Variants in CCNE1 observed in about 807,000 individuals in gnomAD.
CCNE1 encodes G1/S-specific cyclin-E1.
In CCNE1, 8 loss-of-function variants were observed where a neutral mutation model predicts 54.1. The ratio of observed to expected loss-of-function variants is 0.15; its 90% confidence interval spans 0.09 to 0.27. The LOEUF is 0.27. Among genes scored for constraint, CCNE1 ranks in the 10% least tolerant of loss-of-function variants. The probability of loss-of-function intolerance (pLI) is 1.00; values close to 1 mark genes in which losing one functional copy is unlikely to be tolerated. For missense variants in CCNE1, 430 were observed against 514.9 expected (o/e 0.84, Z 1.60); for synonymous variants, 179 against 185.2 (o/e 0.97, Z 0.27).
At chr19:29,820,186 G>A (rs1974116034) in intron 6 of CCNE1, among the ~76,000 whole-genome samples, 3 of 152,182 alleles carry the variant, frequency 2.0e-5, no homozygotes, top group Non-Finnish European at 2.9e-5. Context: ...GGGGATGTGC[G>A]GGCAAGGGGA....
At chr19:29,813,612 G>T (rs1026089570) in intron 4 of CCNE1, among the ~76,000 whole-genome samples, 4 of 152,122 alleles carry the variant, frequency 2.6e-5, no homozygotes, top group Non-Finnish European at 5.9e-5. Context: ...TTGATCCCCA[G>T]CTCAGCCTGA....
At chr19:29,813,999 TG>T (rs1973954173) in intron 4 of CCNE1, among the ~76,000 whole-genome samples, 1 of 152,198 alleles carries the variant, frequency 6.6e-6, no homozygotes, top group African/African-American at 2.4e-5. Context: ...GTAGTTCATC[TG>T]GAAGCGTGAA....
Position 29,812,231 on chromosome 19 carries a change from C to A in CCNE1, c.-25+79C>A, listed in dbSNP as rs3218026. 0.3 allele frequency: 46,335 copies of A among 155,558 alleles called. 7,576 individuals are homozygous for A. The highest frequency in any genetic ancestry group is 0.51 in the East Asian group (2,757 of 5,358). The allele number at this position is 155,558 out of a possible 1,614,324, so 9.6% of individuals were successfully genotyped here. A position where few individuals can be genotyped will look rare whatever the true frequency, so the allele number is the denominator to read the frequency against. On this transcript the variant is annotated intron_variant, in intron 1 of 11. Coordinates refer to ENST00000262643, the MANE Select transcript of CCNE1 (RefSeq NM_001238.4). ...CGGGGAGCTGGGTGGGGGCGGGGTG[C>A]GGCCGGGTCGCGGGTCCCCGGGCGG...
chr19:29,822,218 A>G (rs1315152581), intron 9 of CCNE1, 22 bp from the exon 10 acceptor site: 2 of 1,610,940 alleles, frequency 1.2e-6, no homozygotes, highest in Non-Finnish European at 1.7e-6. Context: ...CATCCATCTC[A>G]GCGTTCTTTT....
chr19:29,813,295 T>C, intron 4 of CCNE1: 1 of 523,016 alleles, frequency 1.9e-6, no homozygotes, highest in Non-Finnish European at 3.4e-6. Context: ...AGAACCAGAA[T>C]GGACATCACA....
chr19:29,815,631 T>TC (rs1293142991), intron 4 of CCNE1, among the ~76,000 whole-genome samples: 1 of 146,492 alleles, frequency 6.8e-6, no homozygotes, highest in Non-Finnish European at 1.5e-5. Context: ...GCTTTTTTTT[T>TC]TTTTTTTTTG....
chr19:29,820,040 A>G (rs1225261408), intron 6 of CCNE1, among the ~76,000 whole-genome samples: 2 of 152,206 alleles, frequency 1.3e-5, no homozygotes, highest in Non-Finnish European at 2.9e-5. Context: ...AGCCAGCATC[A>G]CTACTCTTGC....
intron 2 of CCNE1, 22 bp downstream of exon 2, chr19:29,812,600 C>T (rs1245984379): frequency 6.5e-7 from 1 of 1,534,236 alleles, no homozygotes; most frequent in Non-Finnish European, 8.8e-7. Context: ...CGCCGCGGGG[C>T]CGGACGGGAC....
At position 29,817,456 on chromosome 19, in the gene CCNE1, C is replaced by G; in HGVS notation, c.377C>G (p.Thr126Arg). 6.2e-7 allele frequency: 1 copy of G among 1,614,160 alleles called. No homozygotes were observed. The highest frequency in any genetic ancestry group is 8.5e-7 in the Non-Finnish European group (1 of 1,180,014). Reference protein sequence around the residue: ...VWKIMLNKEKTYLRDQHFLEQ... With the variant: ...VWKIMLNKEKRYLRDQHFLEQ... ...AAAATCATGTTAAACAAGGAAAAGA[C>G]ATACTTAAGGGATCAGCACTTTCTT... The change falls in exon 6 of 12, where the codon ACA becomes AGA. Residue 126 changes from threonine to arginine, a missense_variant. Around this residue, in one of 2 missense-constraint regions of CCNE1, gnomAD observed 303 missense variants for 401.1 expected, o/e 0.76. Coordinates refer to ENST00000262643, the MANE Select transcript of CCNE1 (RefSeq NM_001238.4).
At chr19:29,820,558 CAA>C (rs1416346038) in intron 6 of CCNE1, 142 bp from the exon 7 acceptor site, 3 of 610,932 alleles carry the variant, frequency 4.9e-6, no homozygotes, top group African/African-American at 1.9e-5. Context: ...AAAAAAAAAA[CAA>C]AAAAACAAAA....
At chr19:29,813,096 G>C in intron 4 of CCNE1, 59 bp downstream of exon 4, 1 of 1,460,328 alleles carries the variant, frequency 6.8e-7, no homozygotes, top group South Asian at 1.1e-5. Flanking sequence ...GTCACATGGG[G>C]TTTCATGCTG....
intron 6 of CCNE1, among the ~76,000 whole-genome samples, chr19:29,819,335 T>C (rs1489789504): frequency 6.6e-6 from 1 of 151,334 alleles, no homozygotes; most frequent in East Asian, 2.0e-4. Flanking sequence ...CAAGCTGGAG[T>C]GTAGTGGTGC....
At chr19:29,820,079 G>T (rs1974113687) in intron 6 of CCNE1, among the ~76,000 whole-genome samples, 1 of 152,220 alleles carries the variant, frequency 6.6e-6, no homozygotes, top group South Asian at 2.1e-4. Flanking sequence ...AGTCAAATAA[G>T]GGCTGCTTGC....
At chr19:29,816,411 A>G (rs1974016563) in intron 4 of CCNE1, among the ~76,000 whole-genome samples, 1 of 152,146 alleles carries the variant, frequency 6.6e-6, no homozygotes, top group Non-Finnish European at 1.5e-5. Flanking sequence ...ATAGTTCCTT[A>G]TTTTATCAGG....
chr19:29,822,622 TTC>T lies in CCNE1; in HGVS notation c.1110+20_1110+21del. ...TTTGCTGGTCAGTGCTGCTCCTTCT[TTC>T]AGTCCTTCTTGGCCAAATTCTTAAA... On this transcript the variant is annotated intron_variant, in intron 11 of 11. Transcript: ENST00000262643. 2 of 1,587,682 alleles carry T rather than the reference TTC, an allele frequency of 1.3e-6. No homozygotes were observed. Among genetic ancestry groups the T allele is most frequent in the Non-Finnish European group, 1.7e-6 (2 of 1,164,630 alleles).
rs916526199 is a variant in CCNE1, at chr19:29,812,137, C to T, written c.-40C>T. ...GCCGGGACTGGAGCGCGCCGTCCGCCGCGGACAAGACCCTGGTGAGTCTAC... is the reference window on the plus strand; with the variant it reads ...GCCGGGACTGGAGCGCGCCGTCCGCTGCGGACAAGACCCTGGTGAGTCTAC... On this transcript the variant is annotated 5_prime_UTR_variant, in exon 1 of 12. Coordinates refer to ENST00000262643, the MANE Select transcript of CCNE1 (RefSeq NM_001238.4). 1 of 149,040 alleles carries T rather than the reference C, an allele frequency of 6.7e-6. No individual in the cohort carries two copies. The highest frequency in any genetic ancestry group is 1.5e-5 in the Non-Finnish European group (1 of 66,522). 9.2% of individuals were successfully genotyped at this position (149,040 alleles called of 1,614,324 possible).
chr19:29,817,395 T>C lies in CCNE1; in HGVS notation c.327-11T>C, dbSNP rs1259158292. 6.2e-7 allele frequency: 1 copy of C among 1,613,974 alleles called. No individual in the cohort carries two copies. Among genetic ancestry groups the C allele is most frequent in the Non-Finnish European group, 8.5e-7 (1 of 1,179,986 alleles). ...TTGTGGGCCTCATTTTTGTTGTGTG[T>C]TTTGTTGTAGCTGGGCAAATAGAGA... On this transcript the variant is annotated splice_polypyrimidine_tract_variant and intron_variant, in intron 5 of 11. Transcript: ENST00000262643.
At position 29,815,604 on chromosome 19, in the gene CCNE1, CAATGTT is replaced by C. The variant is rs965140859; in HGVS notation, c.181-1528_181-1523del. On this transcript the variant is annotated intron_variant, in intron 4 of 11. Transcript: ENST00000262643. Reference sequence around the variant, plus strand: ...CCAGTTGTCTATTTTGTTCTTTAGTCAATGTTAATGGTCTCTGCTTTTTTTTTTTTT... The same window carrying C: ...CCAGTTGTCTATTTTGTTCTTTAGTCAATGGTCTCTGCTTTTTTTTTTTTT... 8.4e-5 allele frequency among the ~76,000 whole-genome samples: 12 copies of C among 143,370 alleles called. No individual in the cohort carries two copies. In the South Asian group the frequency reaches 1.3e-3, roughly 16 times the overall value. The allele number at this position is 143,370 out of a possible 152,430, so 94.1% of individuals were successfully genotyped here. A position where few individuals can be genotyped will look rare whatever the true frequency, so the allele number is the denominator to read the frequency against.
Position 29,822,275 on chromosome 19 carries a change from T to G in CCNE1, c.876T>G (p.Leu292=). Reference sequence around the variant, plus strand: ...TCTGTGTCCTGGATGTTGACTGCCTTGAATTTCCTTATGGTATACTTGCTG... The same window carrying G: ...TCTGTGTCCTGGATGTTGACTGCCTGGAATTTCCTTATGGTATACTTGCTG... ...LDLCVLDVDC[L]EFPYGILAAS... is the part of the protein sequence containing the mutation. The change falls in exon 10 of 12, where the codon CTT becomes CTG. Residue 292 remains leucine (L), a synonymous_variant. Transcript: ENST00000262643. 1.2e-6 allele frequency: 2 copies of G among 1,614,134 alleles called. No individual in the cohort carries two copies. Among genetic ancestry groups the G allele is most frequent in the Non-Finnish European group, 1.7e-6 (2 of 1,180,018 alleles).
Sources: gnomAD v4.1 joint callset for allele counts (sites outside exome capture counted in the v4.1 genomes callset) on GRCh38, gnomAD v4.1.1 for gene constraint, gnomAD v4.1.1 regional missense constraint, MANE v1.5 for transcripts, NCBI Gene and HGNC (gene_info 2026-07-23, HGNC 2026-07-21) for gene names.